ANKIB1: variants seen among roughly 807,000 people sequenced by gnomAD.
ANKIB1 encodes ankyrin repeat and IBR domain-containing protein 1.
ANKIB1 carries 43 observed loss-of-function variants against 122.1 expected under a neutral mutation model. The ratio of observed to expected loss-of-function variants is 0.35; its 90% CI spans 0.28 to 0.45. ANKIB1 has a LOEUF of 0.45. ANKIB1 is among the 20% of genes least tolerant of loss of function. The pLI, the probability that ANKIB1 is intolerant of heterozygous loss-of-function variation, is 1.00. For synonymous variants in ANKIB1, 390 were observed against 442.0 expected, an observed-to-expected ratio of 0.88 and a Z score of 1.48; for missense variants, 992 against 1,329.5, an observed-to-expected ratio of 0.75 and a Z score of 3.95.
intron 1 of ANKIB1, among the ~76,000 whole-genome samples, chr7:92,251,177 G>A (rs188892381): frequency 2.0e-5 from 3 of 152,266 alleles, no homozygotes; most frequent in African/African-American, 4.8e-5. Flanking sequence ...CATTAACAAT[G>A]ACTAAATTAT....
intron 1 of ANKIB1, among the ~76,000 whole-genome samples, chr7:92,269,399 G>A (rs1261199820): frequency 6.6e-6 from 1 of 152,180 alleles, no homozygotes; most frequent in Non-Finnish European, 1.5e-5. Context: ...GTATTATGTT[G>A]TGATTTGTTC....
At chr7:92,397,129 A>G (rs1404050085) in intron 18 of ANKIB1, among the ~76,000 whole-genome samples, 1 of 152,192 alleles carries the variant, frequency 6.6e-6, no homozygotes, top group African/African-American at 2.4e-5. Flanking sequence ...TTGCTTAACA[A>G]AAAAAGAGAA....
rs34891046 is a variant in ANKIB1 at position 92,252,386 on chromosome 7, C to CTT, written c.-91+5884_-91+5885dup. The stretch of plus-strand genomic sequence containing the variant: ...GTTGGTATTATGTCATAAGGTACTA[C>CTT]TTTTTTTTTTTTTTTTTTGAGACAG... On this transcript the variant is annotated intron_variant, in intron 1 of 19. Transcript: ENST00000265742. 4.4e-3 allele frequency among the ~76,000 whole-genome samples: 590 copies of CTT among 134,162 alleles called. 5 individuals carry two copies. Among genetic ancestry groups the CTT allele is most frequent in the African/African-American group, 0.012 (427 of 35,678 alleles). The allele number at this position is 134,162 out of a possible 152,430, so 88.0% of individuals were successfully genotyped here.
intron 8 of ANKIB1, 38 bp from the exon 9 acceptor site, chr7:92,352,438 A>G: frequency 6.2e-7 from 1 of 1,602,160 alleles, no homozygotes; most frequent in East Asian, 2.2e-5. Context: ...TAGCATTAAA[A>G]TATTTTCTTT....
At chr7:92,334,047 T>A (rs1803235633) in intron 5 of ANKIB1, among the ~76,000 whole-genome samples, 1 of 152,186 alleles carries the variant, frequency 6.6e-6, no homozygotes, top group Non-Finnish European at 1.5e-5. Flanking sequence ...TTTTAATGAC[T>A]ATATGTAAGA....
intron 1 of ANKIB1, among the ~76,000 whole-genome samples, chr7:92,280,039 G>A (rs1311428137): frequency 6.6e-6 from 1 of 152,154 alleles, no homozygotes; most frequent in Non-Finnish European, 1.5e-5. Flanking sequence ...AGACATTCTA[G>A]TAGGCAAAAA....
At chr7:92,385,037 A>C (rs868863022) in intron 11 of ANKIB1, among the ~76,000 whole-genome samples, 1 of 152,328 alleles carries the variant, frequency 6.6e-6, no homozygotes, top group African/African-American at 2.4e-5. Context: ...ACCAATTTAC[A>C]AGAAAAAAAC....
At chr7:92,318,866 T>G (rs993575573) in intron 3 of ANKIB1, among the ~76,000 whole-genome samples, 1 of 152,234 alleles carries the variant, frequency 6.6e-6, no homozygotes, top group Non-Finnish European at 1.5e-5. Context: ...CATTTCAGTG[T>G]TTCACTGGAT....
intron 10 of ANKIB1, among the ~76,000 whole-genome samples, chr7:92,364,149 A>G (rs1474509217): frequency 1.3e-5 from 2 of 151,780 alleles, no homozygotes; most frequent in Non-Finnish European, 2.9e-5. Context: ...CTCTACTAAA[A>G]ATACAAAAAT....
chr7:92,321,653 G>C (rs1802914329), intron 4 of ANKIB1, among the ~76,000 whole-genome samples: 1 of 152,126 alleles, frequency 6.6e-6, no homozygotes. Flanking sequence ...GATTCTAAAA[G>C]GTATTATGTA....
intron 11 of ANKIB1, among the ~76,000 whole-genome samples, chr7:92,375,205 T>A (rs1804354203): frequency 6.6e-6 from 1 of 152,222 alleles, no homozygotes; most frequent in African/African-American, 2.4e-5. Flanking sequence ...GCCTCAGTGT[T>A]GATGCTGCTA....
At chr7:92,251,496 A>G (rs1801330722) in intron 1 of ANKIB1, among the ~76,000 whole-genome samples, 1 of 152,230 alleles carries the variant, frequency 6.6e-6, no homozygotes, top group African/African-American at 2.4e-5. Flanking sequence ...TCAGATGAAA[A>G]AAATCATTTT....
chr7:92,309,930 A>AT lies in ANKIB1; in HGVS notation c.486+2274_486+2275insT, dbSNP rs1471742177. ...ACAGAGCGAGACTCCATCTAAAAAA[A>AT]AAAAAAAAAAAAATATATATATATA... On this transcript the variant is annotated intron_variant, in intron 3 of 19. Transcript: ENST00000265742. 3.5e-5 allele frequency among the ~76,000 whole-genome samples: 4 copies of AT among 115,252 alleles called. 1 individual carries two copies. The highest frequency in any genetic ancestry group is 1.5e-4 in the African/African-American group (4 of 27,308). The allele number at this position is 115,252 out of a possible 152,430, so 75.6% of individuals were successfully genotyped here.
chr7:92,304,449 A>G (rs1404771201), intron 2 of ANKIB1, among the ~76,000 whole-genome samples: 1 of 152,088 alleles, frequency 6.6e-6, no homozygotes, highest in Non-Finnish European at 1.5e-5. Context: ...ATTTAATACT[A>G]GAGAGAGCGA....
intron 1 of ANKIB1, among the ~76,000 whole-genome samples, chr7:92,249,747 A>G (rs1371094445): frequency 6.6e-6 from 1 of 151,932 alleles, no homozygotes; most frequent in Non-Finnish European, 1.5e-5. Context: ...AGCACAATAG[A>G]TGCCATTTAT....
chr7:92,289,618 T>G (rs764775650), intron 1 of ANKIB1, among the ~76,000 whole-genome samples: 86 of 152,344 alleles, frequency 5.6e-4, no homozygotes, highest in Non-Finnish European at 1.1e-3. Flanking sequence ...TTTCCCACTC[T>G]GGCCTCGTTC....
At chr7:92,359,550 A>G (rs938920164) in intron 9 of ANKIB1, among the ~76,000 whole-genome samples, 1 of 152,162 alleles carries the variant, frequency 6.6e-6, no homozygotes, top group Admixed American at 6.5e-5. Context: ...GTGTGTCTTT[A>G]TAGCAGCATG....
intron 9 of ANKIB1, among the ~76,000 whole-genome samples, chr7:92,355,742 G>A (rs1034838596): frequency 4.0e-5 from 6 of 151,700 alleles, no homozygotes; most frequent in Admixed American, 6.6e-5. Context: ...CCAGATATTC[G>A]GGAGGCTGAG....
At chr7:92,382,992 A>G (rs1317652144) in intron 11 of ANKIB1, among the ~76,000 whole-genome samples, 1 of 152,224 alleles carries the variant, frequency 6.6e-6, no homozygotes, top group Non-Finnish European at 1.5e-5. Flanking sequence ...ATAGACCGCT[A>G]GCAAGACTAA....
Sources: gnomAD v4.1 joint callset for allele counts (sites outside exome capture counted in the v4.1 genomes callset) on GRCh38, gnomAD v4.1.1 for gene constraint, MANE v1.5 for transcripts, NCBI Gene and HGNC (gene_info 2026-07-23, HGNC 2026-07-21) for gene names.